TDRD7: variants seen among roughly 807,000 people sequenced by gnomAD.
TDRD7 encodes the protein tudor domain containing 7, also known as tudor domain-containing protein 7.
TDRD7 carries 47 observed loss-of-function variants against 109.8 expected under a neutral mutation model. That is an observed-to-expected ratio of 0.43 (90% CI 0.34 to 0.55). TDRD7 has a LOEUF of 0.55. Ranked by LOEUF, TDRD7 falls within the 20% of genes least tolerant of loss-of-function variation. TDRD7 has a pLI of 0.03. For synonymous variants in TDRD7, 424 were observed against 457.3 expected, an observed-to-expected ratio of 0.93 and a Z score of 0.93; for missense variants, 1,164 against 1,319.2, an observed-to-expected ratio of 0.88 and a Z score of 1.82.
chr9:97,454,567 A>G (rs1828568330), intron 6 of TDRD7, among the ~76,000 whole-genome samples: 1 of 152,236 alleles, frequency 6.6e-6, no homozygotes, highest in Admixed American at 6.5e-5. Context: ...GAAATTGAAC[A>G]ACCTGCTCCT....
chr9:97,431,411 C>T (rs1828102198), intron 3 of TDRD7, among the ~76,000 whole-genome samples: 1 of 151,962 alleles, frequency 6.6e-6, no homozygotes, highest in East Asian at 1.9e-4. Flanking sequence ...GATTTTATGT[C>T]TTATTTGACA....
chr9:97,414,471 C>A (rs1827779385), intron 1 of TDRD7, among the ~76,000 whole-genome samples: 1 of 152,188 alleles, frequency 6.6e-6, no homozygotes, highest in South Asian at 2.1e-4. Context: ...ATGGCTCTTG[C>A]CCACCTTTCT....
At chr9:97,416,393 T>C (rs1482900842) in intron 1 of TDRD7, among the ~76,000 whole-genome samples, 1 of 152,234 alleles carries the variant, frequency 6.6e-6, no homozygotes, top group Non-Finnish European at 1.5e-5. Context: ...CAATTAAACA[T>C]ATAACTACCA....
intron 6 of TDRD7, among the ~76,000 whole-genome samples, chr9:97,447,603 G>A (rs1828424169): frequency 6.6e-6 from 1 of 152,148 alleles, no homozygotes; most frequent in African/African-American, 2.4e-5. Flanking sequence ...AAAGAGCAGT[G>A]GAGGAAATGA....
chr9:97,479,897 G>A (rs533095231), intron 13 of TDRD7, among the ~76,000 whole-genome samples: 5 of 152,258 alleles, frequency 3.3e-5, no homozygotes, highest in Admixed American at 6.5e-5. Flanking sequence ...TAGGAGTTTG[G>A]GGCCTTCTCC....
intron 8 of TDRD7, among the ~76,000 whole-genome samples, chr9:97,468,771 C>T (rs2131159641): frequency 6.6e-6 from 1 of 152,234 alleles, no homozygotes; most frequent in South Asian, 2.1e-4. Context: ...GCTGGGAGAC[C>T]TTTGGCCACT....
At chr9:97,490,979 G>T (rs1461383429) in intron 16 of TDRD7, among the ~76,000 whole-genome samples, 1 of 135,464 alleles carries the variant, frequency 7.4e-6, no homozygotes, top group Non-Finnish European at 1.5e-5. Context: ...GCAGTGGCAC[G>T]ATCTCAGCTC....
intron 4 of TDRD7, among the ~76,000 whole-genome samples, chr9:97,433,661 A>G (rs1823940260): frequency 6.6e-6 from 1 of 152,174 alleles, no homozygotes; most frequent in South Asian, 2.1e-4. Context: ...ACTCAACTCA[A>G]TAGCAAGAAA....
chr9:97,416,660 A>C (rs1337759968), intron 1 of TDRD7, among the ~76,000 whole-genome samples: 1 of 152,206 alleles, frequency 6.6e-6, no homozygotes, highest in African/African-American at 2.4e-5. Context: ...TGGCTGTCTC[A>C]TTCAGTTTAT....
Position 97,460,748 on chromosome 9 carries a change from A to T in TDRD7, c.1426A>T (p.Asn476Tyr). 6.2e-7 allele frequency: 1 copy of T among 1,614,058 alleles called. No homozygotes were observed. Among genetic ancestry groups the T allele is most frequent in the Non-Finnish European group, 8.5e-7 (1 of 1,179,928 alleles). ...ATTGGTGGTTGAACTGAGCAACACA[A>T]ATGAAGTGGTTATCAGGCAAGTTTC... Reference protein sequence around the residue: ...SVLVVELSNTNEVVIRYVGKD... With the variant: ...SVLVVELSNTYEVVIRYVGKD... Residue 476 changes from asparagine to tyrosine, a missense_variant, in exon 7 of 17, where the codon AAT (asparagine) becomes TAT (tyrosine). Asn to Tyr is a moderately radical substitution (Grantham distance 143). Coordinates refer to ENST00000355295, the MANE Select transcript of TDRD7 (RefSeq NM_014290.3).
At position 97,495,750 on chromosome 9, in the gene TDRD7, C is replaced by T. The variant is rs1353770633; in HGVS notation, c.3164C>T (p.Thr1055Ile). ...AAACCTCTGGTGGCACTGGTGCAGACAGTCATTGAAAATGCTAACCCTTGG... is the reference window on the plus strand; with the variant it reads ...AAACCTCTGGTGGCACTGGTGCAGATAGTCATTGAAAATGCTAACCCTTGG... ...EKKPLVALVQTVIENANPWDR... is the reference protein window; with the variant it reads ...EKKPLVALVQIVIENANPWDR... The change falls in exon 17 of 17, where the codon ACA (threonine) becomes ATA (isoleucine). Residue 1055 changes from threonine to isoleucine, a missense_variant. Thr to Ile is a moderately conservative substitution (Grantham distance 89, BLOSUM62 -1). Transcript: ENST00000355295. 6.2e-7 allele frequency: 1 copy of T among 1,614,198 alleles called. No individual in the cohort carries two copies. The highest frequency in any genetic ancestry group is 1.7e-5 in the Admixed American group (1 of 60,028).
Position 97,434,085 on chromosome 9 carries a change from A to G in TDRD7, c.563+1847A>G, listed in dbSNP as rs562831975. Among the ~76,000 whole-genome samples the G allele has an allele frequency of 5.3e-5, 8 of 152,336 alleles. No individual in the cohort carries two copies. In the East Asian group the frequency reaches 1.5e-3, roughly 29 times the overall value. ...CCATGTTCATTGCAGCAGCATTCAC[A>G]ATAGCCAAGGCATGGAATCAACTGA... On this transcript the variant is annotated intron_variant, in intron 4 of 16. Coordinates refer to ENST00000355295, the MANE Select transcript of TDRD7 (RefSeq NM_014290.3).
intron 1 of TDRD7, among the ~76,000 whole-genome samples, chr9:97,416,889 C>T (rs568842221): frequency 6.6e-6 from 1 of 151,988 alleles, no homozygotes; most frequent in Non-Finnish European, 1.5e-5. Context: ...GACACAAATC[C>T]TTGCTTTCAT....
At chr9:97,447,055 A>G (rs1828413968) in intron 6 of TDRD7, among the ~76,000 whole-genome samples, 1 of 152,244 alleles carries the variant, frequency 6.6e-6, no homozygotes, top group Admixed American at 6.5e-5. Flanking sequence ...GAAAAGAAAT[A>G]TATAATGAAC....
chr9:97,416,854 T>C (rs1827820316), intron 1 of TDRD7, among the ~76,000 whole-genome samples: 1 of 137,454 alleles, frequency 7.3e-6, no homozygotes, highest in African/African-American at 2.7e-5. Context: ...GGCTAGGCAC[T>C]AGGGATTCAG....
At chr9:97,440,123 T>G (rs753867811) in intron 5 of TDRD7, among the ~76,000 whole-genome samples, 1 of 152,262 alleles carries the variant, frequency 6.6e-6, no homozygotes, top group Non-Finnish European at 1.5e-5. Flanking sequence ...TTTACATGAA[T>G]TACTTTTACA....
chr9:97,428,432 A>G, intron 1 of TDRD7, 28 bp from the exon 2 acceptor site: 3 of 1,604,790 alleles, frequency 1.9e-6, no homozygotes, highest in Non-Finnish European at 2.6e-6. Flanking sequence ...GAGCCATATT[A>G]TAGTAACCTT....
In TDRD7 at chr9:97,479,489, G is replaced by A. The variant is rs547144096; in HGVS notation, c.2301+916G>A. On this transcript the variant is annotated intron_variant, in intron 13 of 16. Coordinates refer to ENST00000355295, the MANE Select transcript of TDRD7 (RefSeq NM_014290.3). ...AGGGCAGTTGGGAATCTGTCCCACCGCTGTGATTGTCTGAAAGTCCACAAC... is the reference window on the plus strand; with the variant it reads ...AGGGCAGTTGGGAATCTGTCCCACCACTGTGATTGTCTGAAAGTCCACAAC... Among the ~76,000 whole-genome samples, 21 of 152,252 alleles carry A rather than the reference G, an allele frequency of 1.4e-4. 1 individual carries two copies. The highest frequency in any genetic ancestry group is 3.9e-4 in the African/African-American group (16 of 41,558).
intron 5 of TDRD7, among the ~76,000 whole-genome samples, chr9:97,439,973 A>T (rs1458175748): frequency 6.6e-6 from 1 of 152,132 alleles, no homozygotes; most frequent in East Asian, 1.9e-4. Flanking sequence ...ATCAGTGCTT[A>T]TAGTGTGTGA....
Sources: allele counts gnomAD v4.1 joint callset (sites outside exome capture counted in the v4.1 genomes callset), GRCh38; gene constraint gnomAD v4.1.1; transcripts MANE v1.5; gene names NCBI Gene and HGNC (gene_info 2026-07-23, HGNC 2026-07-21).